REDIC1: variants seen among roughly 807,000 people sequenced by gnomAD.
The protein encoded by REDIC1 is HEI10 Interacting Protein 1.
chr12:39,730,068 A>T, the REDIC1 span, among the ~76,000 whole-genome samples: 1 of 152,196 alleles, frequency 6.6e-6, no homozygotes, highest in Non-Finnish European at 1.5e-5. Context: ...AGGTGGGATC[A>T]GTCTCCTGAA....
chr12:39,764,715 G>A, the REDIC1 span: 1 of 1,610,112 alleles, frequency 6.2e-7, no homozygotes. Flanking sequence ...TAATGCAACA[G>A]TATAACAAAG....
the REDIC1 span, chr12:39,829,291 C>T: frequency 6.7e-6 from 1 of 149,708 alleles, no homozygotes; most frequent in South Asian, 2.1e-4. Context: ...CAATGACTAC[C>T]AAATTTTATC....
At chr12:39,703,667 T>C in the REDIC1 span, among the ~76,000 whole-genome samples, 2 of 152,142 alleles carry the variant, frequency 1.3e-5, no homozygotes, top group Non-Finnish European at 2.9e-5. Flanking sequence ...TCACACTACC[T>C]GACTTCAAAC....
the REDIC1 span, among the ~76,000 whole-genome samples, chr12:39,878,899 C>G: frequency 6.6e-6 from 1 of 152,232 alleles, no homozygotes; most frequent in Admixed American, 6.5e-5. Flanking sequence ...CTTCCCATCA[C>G]AGGCCCAGAG....
At chr12:39,896,832 A>G in the REDIC1 span, among the ~76,000 whole-genome samples, 2 of 152,168 alleles carry the variant, frequency 1.3e-5, no homozygotes, top group African/African-American at 4.8e-5. Context: ...CAATAGTGTG[A>G]CAAAATATGT....
chr12:39,709,198 A>G, the REDIC1 span, among the ~76,000 whole-genome samples: 27 of 148,414 alleles, frequency 1.8e-4, no homozygotes, highest in African/African-American at 6.2e-4. Flanking sequence ...ATTAAGTAAG[A>G]TTCTGGATTT....
the REDIC1 span, among the ~76,000 whole-genome samples, chr12:39,771,931 T>A: frequency 6.6e-6 from 1 of 152,244 alleles, no homozygotes; most frequent in Non-Finnish European, 1.5e-5. Flanking sequence ...ACTCATGACG[T>A]TTCCTGTAAC....
the REDIC1 span, among the ~76,000 whole-genome samples, chr12:39,725,239 C>A: frequency 2.0e-5 from 3 of 152,074 alleles, no homozygotes; most frequent in East Asian, 3.9e-4. Flanking sequence ...AAATAATTGT[C>A]ATTCCAAAAT....
the REDIC1 span, among the ~76,000 whole-genome samples, chr12:39,709,517 C>G: frequency 6.6e-6 from 1 of 151,624 alleles, no homozygotes; most frequent in South Asian, 2.1e-4. Flanking sequence ...GCCCCTCCCC[C>G]CAGCCCCTGG....
chr12:39,714,216 C>T, the REDIC1 span, among the ~76,000 whole-genome samples: 21,927 of 38,520 alleles, frequency 0.57, 6,677 homozygotes, highest in Non-Finnish European at 0.69. Context: ...CATGCATATA[C>T]GTATATGCAT....
the REDIC1 span, among the ~76,000 whole-genome samples, chr12:39,711,779 ATGTGTATGTG>A: frequency 7.5e-6 from 1 of 133,570 alleles, no homozygotes; most frequent in Non-Finnish European, 1.7e-5. Context: ...GTGCACATGC[ATGTGTATGTG>A]TGTGTACACA....
chr12:39,705,241 C>G, the REDIC1 span, among the ~76,000 whole-genome samples: 1 of 151,998 alleles, frequency 6.6e-6, no homozygotes, highest in East Asian at 1.9e-4. Context: ...TAGACACACA[C>G]AATTTACCAA....
the REDIC1 span, among the ~76,000 whole-genome samples, chr12:39,709,225 T>C: frequency 1.7e-5 from 1 of 57,362 alleles, no homozygotes. Flanking sequence ...TAGACTTATG[T>C]GTTTTTTTTT....
chr12:39,685,230 A>G, the REDIC1 span, among the ~76,000 whole-genome samples: 10 of 152,210 alleles, frequency 6.6e-5, no homozygotes, highest in Non-Finnish European at 1.2e-4. Flanking sequence ...CTATAAAGAA[A>G]TACCTAAGAC....
At chr12:39,878,836 C>A in the REDIC1 span, among the ~76,000 whole-genome samples, 1 of 152,192 alleles carries the variant, frequency 6.6e-6, no homozygotes, top group African/African-American at 2.4e-5. Context: ...GTGCTAATAG[C>A]CAAGACTATG....
chr12:39,703,035 G>A, the REDIC1 span, among the ~76,000 whole-genome samples: 1 of 152,196 alleles, frequency 6.6e-6, no homozygotes. Flanking sequence ...AGACAGGGAT[G>A]CCCTCTCTCA....
At chr12:39,706,640 G>T in the REDIC1 span, among the ~76,000 whole-genome samples, 1 of 151,776 alleles carries the variant, frequency 6.6e-6, no homozygotes, top group African/African-American at 2.4e-5. Flanking sequence ...AAACAGCATG[G>T]TACCAGCATA....
chr12:39,833,444 C>T, the REDIC1 span, among the ~76,000 whole-genome samples: 2 of 152,156 alleles, frequency 1.3e-5, no homozygotes, highest in African/African-American at 4.8e-5. Context: ...TCACTCACTC[C>T]ATGGCTCTGC....
chr12:39,680,265 A>C, the REDIC1 span, among the ~76,000 whole-genome samples: 2 of 152,206 alleles, frequency 1.3e-5, no homozygotes, highest in African/African-American at 4.8e-5. Context: ...ATCTACAAGG[A>C]ACTCAAATCA....
Sources: allele counts gnomAD v4.1 joint callset (sites outside exome capture counted in the v4.1 genomes callset), GRCh38; gene constraint gnomAD v4.1.1; transcripts MANE v1.5; gene names NCBI Gene and HGNC (gene_info 2026-07-23, HGNC 2026-07-21).